The following AGT variants were observed in gnomAD, a reference collection of about 807,000 sequenced individuals.
The protein encoded by AGT is alpha-1 antiproteinase, antitrypsin.
A neutral mutation model predicts 28.1 loss-of-function variants in AGT; 26 were observed. The ratio of observed to expected loss-of-function variants is 0.92; its 90% CI spans 0.68 to 1.28. The LOEUF is 1.28. AGT is among the 50% of genes most tolerant of loss of function. The pLI is 0.00. For missense variants in AGT, 596 were observed against 592.3 expected, an observed-to-expected ratio of 1.01 and a Z score of -0.06; for synonymous variants, 259 against 259.6, an observed-to-expected ratio of 1.00 and a Z score of 0.02.
At chr1:230,718,963 A>C (rs1360143990), upstream of AGT, among the ~76,000 whole-genome samples, 1 of 152,126 alleles carries the variant, frequency 6.6e-6, no homozygotes, top group African/African-American at 2.4e-5. Context: ...TCCTGAGCTC[A>C]AGTGATCTGC....
At chr1:230,742,094 T>G (rs538382434) in intron 1 of AGT, among the ~76,000 whole-genome samples, 1 of 152,090 alleles carries the variant, frequency 6.6e-6, no homozygotes, top group Non-Finnish European at 1.5e-5. Flanking sequence ...GGTAAATCTA[T>G]AGGGTTAAAG....
In AGT at chr1:230,710,008, G is replaced by A. The variant is rs543740975; in HGVS notation, c.816C>T (p.Tyr272=). 40 of 1,614,190 alleles carry A rather than the reference G, an allele frequency of 2.5e-5. No homozygotes were observed. The highest frequency in any genetic ancestry group is 5.3e-5 in the African/African-American group (4 of 75,062). The change falls in exon 2 of 5, where the codon TAC becomes TAT. Residue 272 remains tyrosine (Y), a synonymous_variant. Coordinates refer to ENST00000366667, the MANE Select transcript of AGT (RefSeq NM_001384479.1). ...SVDSTLAFNT[Y]VHFQGKMKGF... Reference sequence around the variant, plus strand: ...GGTTTGCCTTACCTTGGAAGTGGACGTAGGTGTTGAAAGCCAGGGTGCTGT... The same window carrying A: ...GGTTTGCCTTACCTTGGAAGTGGACATAGGTGTTGAAAGCCAGGGTGCTGT...
At chr1:230,730,546 A>G (rs1411412752) in intron 1 of AGT, among the ~76,000 whole-genome samples, 1 of 152,186 alleles carries the variant, frequency 6.6e-6, no homozygotes, top group African/African-American at 2.4e-5. Flanking sequence ...AAGCTGACTC[A>G]GTTGGTAACA....
chr1:230,721,578 G>A (rs1663844182), intron 1 of AGT, among the ~76,000 whole-genome samples: 1 of 152,224 alleles, frequency 6.6e-6, no homozygotes, highest in African/African-American at 2.4e-5. Flanking sequence ...ACAGGAAGAT[G>A]TGGGAAAGTT....
chr1:230,739,244 G>A (rs534636538), intron 1 of AGT, among the ~76,000 whole-genome samples: 1 of 150,480 alleles, frequency 6.6e-6, no homozygotes, highest in East Asian at 2.0e-4. Context: ...AGTCCCAGCT[G>A]CTCAGGAGGC....
chr1:230,730,057 A>G (rs1664023458), intron 1 of AGT, among the ~76,000 whole-genome samples: 1 of 151,976 alleles, frequency 6.6e-6, no homozygotes, highest in Non-Finnish European at 1.5e-5. Flanking sequence ...GCTACTCAGG[A>G]GGCTCCTGAC....
intron 1 of AGT, among the ~76,000 whole-genome samples, chr1:230,737,629 A>C (rs1040227775): frequency 6.6e-6 from 1 of 152,120 alleles, no homozygotes; most frequent in African/African-American, 2.4e-5. Flanking sequence ...TATTATTATC[A>C]TTATTGCTAT....
At chr1:230,745,009 G>A (rs17787522) in intron 1 of AGT, among the ~76,000 whole-genome samples, 15,958 of 152,196 alleles carry the variant, frequency 0.1, 1,038 homozygotes, top group Non-Finnish European at 0.15. Context: ...TCGAAACAGA[G>A]CCGTCTGCCA....
intron 1 of AGT, among the ~76,000 whole-genome samples, chr1:230,737,913 G>A (rs1159099133): frequency 6.8e-6 from 1 of 148,084 alleles, no homozygotes; most frequent in Non-Finnish European, 1.5e-5. Context: ...CCAGCCCTAA[G>A]CAACCACTAA....
At chr1:230,742,923 A>G (rs1209280825) in intron 1 of AGT, among the ~76,000 whole-genome samples, 1 of 152,188 alleles carries the variant, frequency 6.6e-6, no homozygotes, top group Non-Finnish European at 1.5e-5. Context: ...GGTAGCTCTG[A>G]GAGGTATTCA....
chr1:230,730,442 CT>C (rs1425349869), intron 1 of AGT, among the ~76,000 whole-genome samples: 4 of 152,222 alleles, frequency 2.6e-5, no homozygotes, highest in South Asian at 4.2e-4. Flanking sequence ...CATGCTCCTG[CT>C]TCTCCATTCT....
rs141762950 is a variant in AGT at position 230,710,803 on chromosome 1, G to T, written c.21C>A (p.Ser7Arg). ...GGAGGCAGAGGATGGTGGCCCTCAG[G>T]CTCACACCGGCAGGAGCCATCTCAG... Reference protein sequence around the residue: MAPAGVSLRATILCLLA... With the variant: MAPAGVRLRATILCLLA... The change falls in exon 2 of 5, where the codon AGC (serine) becomes AGA (arginine). Residue 7 changes from serine (S) to arginine (R), a missense_variant. By Grantham distance (110) the Ser-to-Arg change is moderately radical. Transcript: ENST00000366667. 1.2e-6 allele frequency: 2 copies of T among 1,613,900 alleles called. No individual in the cohort carries two copies. Among genetic ancestry groups the T allele is most frequent in the Non-Finnish European group, 1.7e-6 (2 of 1,180,030 alleles).
intron 2 of AGT, among the ~76,000 whole-genome samples, chr1:230,707,121 C>G (rs11568038): frequency 6.6e-6 from 1 of 152,250 alleles, no homozygotes; most frequent in Non-Finnish European, 1.5e-5. Context: ...TGTTTCCCCT[C>G]CTGCTCACAG....
Position 230,744,096 on chromosome 1 carries a change from A to G in AGT, c.-31+1419T>C, listed in dbSNP as rs796970098. 2.0e-5 allele frequency among the ~76,000 whole-genome samples: 3 copies of G among 152,192 alleles called. No homozygotes were observed. In the South Asian group the frequency reaches 6.2e-4, roughly 32 times the overall value. The stretch of plus-strand genomic sequence containing the variant: ...AGCGACAAGCTGGCAGAGCTTATTA[A>G]AAACAGTGCACATGATTCTCTGCCC... On this transcript the variant is annotated intron_variant, in intron 1 of 4. Transcript: ENST00000681269.
upstream of AGT, among the ~76,000 whole-genome samples, chr1:230,719,118 G>A (rs1393576868): frequency 1.3e-5 from 2 of 152,102 alleles, no homozygotes; most frequent in Non-Finnish European, 1.5e-5. Flanking sequence ...GACAGAAGTC[G>A]TTTCCATATC....
chr1:230,702,726 C>T lies in AGT; in HGVS notation c.*415G>A, dbSNP rs147825478. On this transcript the variant is annotated 3_prime_UTR_variant, in exon 5 of 5. Coordinates refer to ENST00000366667, the MANE Select transcript of AGT (RefSeq NM_001384479.1). Reference sequence around the variant, plus strand: ...TACATTCAAGACACTAAATACAAACCGAAGGCAATGCAAAAATGTATACTT... The same window carrying T: ...TACATTCAAGACACTAAATACAAACTGAAGGCAATGCAAAAATGTATACTT... 2 of 227,218 alleles carry T rather than the reference C, an allele frequency of 8.8e-6. No homozygotes were observed. Among genetic ancestry groups the T allele is most frequent in the South Asian group, 1.5e-4 (2 of 13,614 alleles). 14.1% of individuals were successfully genotyped at this position (227,218 alleles called of 1,614,324 possible).
At position 230,703,169 on chromosome 1, in the gene AGT, C is replaced by T. The variant is rs146284519; in HGVS notation, c.1403G>A (p.Arg468His). The T allele has an allele frequency of 2.4e-5, 39 of 1,613,996 alleles. No individual in the cohort carries two copies. The East Asian group carries it at 4.0e-4, about 17-fold the overall frequency. The change falls in exon 5 of 5, where the codon CGC becomes CAC. Residue 468 changes from arginine (R) to histidine (H), a missense_variant. Coordinates refer to ENST00000366667, the MANE Select transcript of AGT (RefSeq NM_001384479.1). ...QSATALHFLGRVANPLSTA is the reference protein window; with the variant it reads ...QSATALHFLGHVANPLSTA ...TGCTGTGCTCAGCGGGTTGGCCACG[C>T]GGCCCAGGAAGTGCAGGGCAGTGGC...
Position 230,710,487 on chromosome 1 carries a change from T to C in AGT, c.337A>G (p.Ser113Gly), listed in dbSNP as rs1263239053. 6.2e-7 allele frequency: 1 copy of C among 1,614,206 alleles called. No homozygotes were observed. Among genetic ancestry groups the C allele is most frequent in the Admixed American group, 1.7e-5 (1 of 60,028 alleles). Reference sequence around the variant, plus strand: ...CCATGGACCACGCCCCATAGCTCACTGTGCATGCCATATATACGGAAGCCC... The same window carrying C: ...CCATGGACCACGCCCCATAGCTCACCGTGCATGCCATATATACGGAAGCCC... Reference protein sequence around the residue: ...FLGFRIYGMHSELWGVVHGAT... With the variant: ...FLGFRIYGMHGELWGVVHGAT... Residue 113 changes from serine to glycine, a missense_variant, in exon 2 of 5, where the codon AGT (serine) becomes GGT (glycine). By Grantham distance (56) the Ser-to-Gly change is moderately conservative. Coordinates refer to ENST00000366667, the MANE Select transcript of AGT (RefSeq NM_001384479.1).
intron 2 of AGT, among the ~76,000 whole-genome samples, chr1:230,708,724 G>T (rs1348516498): frequency 6.6e-6 from 1 of 152,030 alleles, no homozygotes; most frequent in African/African-American, 2.4e-5. Flanking sequence ...CCATGGATTT[G>T]CCGAGCTGCT....
Sources: allele counts gnomAD v4.1 joint callset (sites outside exome capture counted in the v4.1 genomes callset), GRCh38; gene constraint gnomAD v4.1.1; transcripts MANE v1.5; gene names NCBI Gene and HGNC (gene_info 2026-07-23, HGNC 2026-07-21).